Variants in SCN3A observed in about 807,000 individuals in gnomAD.
SCN3A encodes the protein sodium channel protein type 3 subunit alpha.
In SCN3A, 60 loss-of-function variants were observed where a neutral mutation model predicts 187.6. The ratio of observed to expected loss-of-function variants is 0.32; its 90% CI spans 0.26 to 0.40. The LOEUF is 0.40. SCN3A is among the 10% of genes least tolerant of loss of function. The pLI is 1.00. For synonymous variants in SCN3A, 788 were observed against 829.2 expected (o/e 0.95, Z 0.85); for missense variants, 1,601 against 2,428.2 (o/e 0.66, Z 7.16).
rs1335415445 is a variant in SCN3A at position 165,127,811 on chromosome 2, G to C, written c.3213C>G (p.Thr1071=). ...LNYLRDGNGT[T]SGVGTGSSVE... ...CACTGCTTCCAGTACCTACACCACT[G>C]GTGGTTCCATTCCCATCTCTAAGAT... The change falls in exon 18 of 28, where the codon ACC becomes ACG. Residue 1071 remains threonine, a synonymous_variant. Coordinates refer to ENST00000283254, the MANE Select transcript of SCN3A (RefSeq NM_006922.4). 5.6e-6 allele frequency: 9 copies of C among 1,613,976 alleles called. No homozygotes were observed. Among genetic ancestry groups the C allele is most frequent in the Non-Finnish European group, 7.6e-6 (9 of 1,180,012 alleles).
Position 165,088,401 on chromosome 2 carries a change from A to G in SCN3A, c.*1749T>C, listed in dbSNP as rs1326955773. ...TTGTAATAGCTTTAGTGCAGCAGGA[A>G]TTAAAAAAATAAGACTAGTCTGCAT... On this transcript the variant is annotated 3_prime_UTR_variant, in exon 28 of 28. Transcript: ENST00000283254. 6.6e-6 allele frequency: 1 copy of G among 152,546 alleles called. No individual in the cohort carries two copies. Among genetic ancestry groups the G allele is most frequent in the Non-Finnish European group, 1.5e-5 (1 of 67,972 alleles). The allele number at this position is 152,546 out of a possible 1,614,324, so 9.4% of individuals were successfully genotyped here. A position where few individuals can be genotyped will look rare whatever the true frequency, so the allele number is the denominator to read the frequency against.
Position 165,096,539 on chromosome 2 carries a change from T to G in SCN3A, c.4240-19A>C. On this transcript the variant is annotated intron_variant, in intron 23 of 27. Coordinates refer to ENST00000283254, the MANE Select transcript of SCN3A (RefSeq NM_006922.4). ...ATGTGGCCTGTAAATAACATATATTTGAATTGTTCATAAAAATTTCACCTA... is the reference window on the plus strand; with the variant it reads ...ATGTGGCCTGTAAATAACATATATTGGAATTGTTCATAAAAATTTCACCTA... The G allele has an allele frequency of 1.3e-6, 2 of 1,590,980 alleles. No individual in the cohort carries two copies. The highest frequency in any genetic ancestry group is 1.7e-6 in the Non-Finnish European group (2 of 1,159,480).
rs752146540 is a variant in SCN3A, at chr2:165,165,192, GCCC to G, written c.474-675_474-673del. On this transcript the variant is annotated intron_variant, in intron 5 of 27. Coordinates refer to ENST00000283254, the MANE Select transcript of SCN3A (RefSeq NM_006922.4). ...TAAGAATCATGTAGAGTTATAAACT[GCCC>G]CCCATTTCTCTCTCTTCTTTCTCTC... Among the ~76,000 whole-genome samples, 25 of 151,396 alleles carry G rather than the reference GCCC, an allele frequency of 1.7e-4. 1 individual carries two copies. The South Asian group carries it at 4.2e-3, about 25-fold the overall frequency.
chr2:165,176,363 G>A lies in SCN3A; in HGVS notation c.32C>T (p.Pro11Leu). ...TCTAGTAAAAAGGCGGAAGCTTTCA[G>A]GTCCTGGGGGTACCAACAGTGCCTG... Reference protein sequence around the residue: MAQALLVPPGPESFRLFTRES... With the variant: MAQALLVPPGLESFRLFTRES... Residue 11 changes from proline (P) to leucine (L), a missense_variant, in exon 3 of 28, where the codon CCT becomes CTT. By Grantham distance (98) the Pro-to-Leu change is moderately conservative. Transcript: ENST00000283254. The A allele has an allele frequency of 6.2e-7, 1 of 1,614,044 alleles. No homozygotes were observed. The highest frequency in any genetic ancestry group is 1.3e-5 in the African/African-American group (1 of 75,016).
At chr2:165,107,380 A>G (rs960601824) in intron 21 of SCN3A, among the ~76,000 whole-genome samples, 7 of 152,246 alleles carry the variant, frequency 4.6e-5, no homozygotes, top group Admixed American at 3.9e-4. Context: ...AATCATTTCT[A>G]TCAGAAGACA....
rs777237829 is a variant in SCN3A, at chr2:165,170,435, T to C, written c.378A>G (p.Val126=). 1.9e-6 allele frequency: 3 copies of C among 1,560,946 alleles called. No individual in the cohort carries two copies. The East Asian group carries it at 6.7e-5, about 35-fold the overall frequency. The change falls in exon 4 of 28, where the codon GTA becomes GTG. Residue 126 remains valine, a synonymous_variant. Coordinates refer to ENST00000283254, the MANE Select transcript of SCN3A (RefSeq NM_006922.4). ...PVRKIAIKIL[V]HSLFSMLIMC... is the part of the protein sequence containing the mutation. ...AATTCACATTAAAAGGATATGAATG[T>C]ACCAAAATCTTGATAGCAATTTTCC...
chr2:165,147,106 T>C, intron 11 of SCN3A, 77 bp from the exon 12 acceptor site: 1 of 1,533,498 alleles, frequency 6.5e-7, no homozygotes, highest in Non-Finnish European at 8.9e-7. Context: ...AATATTGCCA[T>C]TTAAGACTCA....
At chr2:165,115,424 A>T (rs780832282) in intron 19 of SCN3A, 31 bp downstream of exon 19, 6 of 1,612,902 alleles carry the variant, frequency 3.7e-6, no homozygotes, top group Non-Finnish European at 5.1e-6. Flanking sequence ...ACAAGGGGAG[A>T]TTGTATTTAA....
Position 165,140,385 on chromosome 2 carries a change from T to C in SCN3A, c.2019+266A>G, listed in dbSNP as rs1237664552. Among the ~76,000 whole-genome samples, 1 of 152,134 alleles carries C rather than the reference T, an allele frequency of 6.6e-6. No individual in the cohort carries two copies. The highest frequency in any genetic ancestry group is 2.4e-5 in the African/African-American group (1 of 41,434). On this transcript the variant is annotated intron_variant, in intron 13 of 27. Coordinates refer to ENST00000283254, the MANE Select transcript of SCN3A (RefSeq NM_006922.4). This position sits in a 1 kb window ranked among gnomAD's most constrained non-coding sequence, Gnocchi z 4.2. ...TAGGTCTACCAAATTTGCAGATATG[T>C]ATTTCATAGCAGACTCTAAAAACGG...
intron 7 of SCN3A, among the ~76,000 whole-genome samples, chr2:165,163,141 C>T (rs1336244315): frequency 6.6e-6 from 1 of 152,120 alleles, no homozygotes; most frequent in African/African-American, 2.4e-5. Context: ...TTCATGCAGC[C>T]ATTTTCCACC....
intron 21 of SCN3A, among the ~76,000 whole-genome samples, chr2:165,107,786 A>G (rs1685933203): frequency 6.6e-6 from 1 of 152,252 alleles, no homozygotes; most frequent in African/African-American, 2.4e-5. Context: ...TGTGAAATAG[A>G]GATAACATCT....
In SCN3A at chr2:165,092,327, G is replaced by A; in HGVS notation, c.4734C>T (p.Val1578=). 6.2e-7 allele frequency: 1 copy of A among 1,613,956 alleles called. No homozygotes were observed. The highest frequency in any genetic ancestry group is 1.1e-5 in the South Asian group (1 of 91,080). Residue 1578 remains valine, a synonymous_variant, in exon 27 of 28, where the codon GTC becomes GTT. Coordinates refer to ENST00000283254, the MANE Select transcript of SCN3A (RefSeq NM_006922.4). The surrounding 1 kb of genome is among the most constrained non-coding windows in gnomAD (Gnocchi z 4.2). ...LFTGEFVLKL[V]SLRHYYFTIG... is the part of the protein sequence containing the mutation. ...TAGTGAAGTAGTAGTGTCTGAGGGAGACGAGCTTCAGCACAAATTCTCCAG... is the reference window on the plus strand; with the variant it reads ...TAGTGAAGTAGTAGTGTCTGAGGGAAACGAGCTTCAGCACAAATTCTCCAG...
intron 15 of SCN3A, among the ~76,000 whole-genome samples, chr2:165,137,505 T>A (rs777144961): frequency 1.3e-5 from 2 of 152,144 alleles, no homozygotes; most frequent in Non-Finnish European, 2.9e-5. Context: ...AATCTTTGGG[T>A]CATCCCTTCA....
At chr2:165,132,286 A>T (rs537390671) in intron 15 of SCN3A, among the ~76,000 whole-genome samples, 11 of 152,280 alleles carry the variant, frequency 7.2e-5, no homozygotes, top group Non-Finnish European at 1.3e-4. Context: ...ACTACTTTAA[A>T]GTTCATATGG....
intron 1 of SCN3A, among the ~76,000 whole-genome samples, chr2:165,197,407 G>A (rs550225084): frequency 2.3e-4 from 35 of 152,144 alleles, no homozygotes; most frequent in African/African-American, 7.9e-4. Context: ...CCCAGATTCC[G>A]CCTCAGAGAA....
At chr2:165,114,899 A>G (rs909238500) in intron 19 of SCN3A, among the ~76,000 whole-genome samples, 1 of 152,206 alleles carries the variant, frequency 6.6e-6, no homozygotes, top group African/African-American at 2.4e-5. Context: ...GAGAAAACAA[A>G]AAGACCTATC....
At chr2:165,148,263 A>G (rs999935926) in intron 11 of SCN3A, among the ~76,000 whole-genome samples, 4 of 152,072 alleles carry the variant, frequency 2.6e-5, no homozygotes, top group African/African-American at 4.8e-5. Context: ...CTTCTGAAGA[A>G]CTTTATAGAA....
chr2:165,148,987 C>G (rs1478644571), intron 11 of SCN3A, among the ~76,000 whole-genome samples: 1 of 152,074 alleles, frequency 6.6e-6, no homozygotes, highest in Non-Finnish European at 1.5e-5. Flanking sequence ...TTTGTTGAAA[C>G]AGTGAATATA....
rs749669648 is a variant in SCN3A, at chr2:165,164,379, CAA to C, written c.602+11_602+12del. Reference sequence around the variant, plus strand: ...CACTCCTTTGCGCTTATCAAATTTTCAAAGTTACTCACGCCATCACAATGACA... The same window carrying C: ...CACTCCTTTGCGCTTATCAAATTTTCAGTTACTCACGCCATCACAATGACA... On this transcript the variant is annotated intron_variant, in intron 6 of 27. Transcript: ENST00000283254. 10 of 1,613,606 alleles carry C rather than the reference CAA, an allele frequency of 6.2e-6. No individual in the cohort carries two copies. The East Asian group carries it at 1.1e-4, about 18-fold the overall frequency.
Sources: allele counts gnomAD v4.1 joint callset (sites outside exome capture counted in the v4.1 genomes callset), GRCh38; gene constraint gnomAD v4.1.1; non-coding constraint Gnocchi (gnomAD v3.1); transcripts MANE v1.5; gene names NCBI Gene and HGNC (gene_info 2026-07-23, HGNC 2026-07-21).